The following NBEA variants were observed in gnomAD, a reference collection of about 807,000 sequenced individuals.
NBEA encodes the protein neurobeachin, also known as lysosomal-trafficking regulator 2.
Under a neutral mutation model 343.4 loss-of-function variants are expected in NBEA, and 44 were observed. That is an observed-to-expected ratio of 0.13 (90% CI 0.10 to 0.16). The LOEUF is 0.16. Among genes scored for constraint, NBEA ranks in the 10% least tolerant of loss-of-function variants. NBEA has a pLI of 1.00. For synonymous variants in NBEA, 1,175 were observed against 1,238.7 expected (o/e 0.95, Z 1.08); for missense variants, 2,555 against 3,631.3 (o/e 0.70, Z 7.62).
chr13:35,588,160 C>T (rs923660636), intron 46 of NBEA, among the ~76,000 whole-genome samples: 1 of 152,126 alleles, frequency 6.6e-6, no homozygotes, highest in African/African-American at 2.4e-5. Flanking sequence ...ACTAGCCACA[C>T]TTCAAGTGCT....
intron 6 of NBEA, among the ~76,000 whole-genome samples, chr13:35,051,728 ATAGT>A (rs1489749909): frequency 6.6e-6 from 1 of 152,034 alleles, no homozygotes; most frequent in African/African-American, 2.4e-5. Flanking sequence ...TGAGACCAAG[ATAGT>A]TTGCTAAAAG....
chr13:34,947,874 A>G (rs1054957850), intron 1 of NBEA, among the ~76,000 whole-genome samples: 3 of 152,202 alleles, frequency 2.0e-5, no homozygotes, highest in Non-Finnish European at 4.4e-5. Context: ...TCCTCAAACT[A>G]GAAATATGTG....
At chr13:34,965,516 G>T (rs937055444) in intron 1 of NBEA, among the ~76,000 whole-genome samples, 2 of 151,986 alleles carry the variant, frequency 1.3e-5, no homozygotes, top group Non-Finnish European at 2.9e-5. Context: ...CTGGTGGAGT[G>T]AGGGCATTCC....
At chr13:34,956,805 T>C (rs1289287841) in intron 1 of NBEA, among the ~76,000 whole-genome samples, 1 of 152,136 alleles carries the variant, frequency 6.6e-6, no homozygotes, top group African/African-American at 2.4e-5. Context: ...TCACCATCCT[T>C]GTCCAGAATT....
intron 34 of NBEA, among the ~76,000 whole-genome samples, chr13:35,237,659 G>T (rs1257656224): frequency 6.6e-6 from 1 of 152,142 alleles, no homozygotes; most frequent in Admixed American, 6.6e-5. Flanking sequence ...ATGTGTGTGT[G>T]TGGTAGGAAC....
In NBEA at chr13:35,665,034, T is replaced by C. The variant is rs1052965649; in HGVS notation, c.8363-51T>C. On this transcript the variant is annotated intron_variant, in intron 55 of 58. Coordinates refer to ENST00000379939, the MANE Select transcript of NBEA (RefSeq NM_001385012.1). The stretch of plus-strand genomic sequence containing the variant: ...GAATATTGCATTGCTGGTGTAGCTC[T>C]CTCCCCCTGCTATTGGTCTGTAGTG... 5.7e-6 allele frequency: 7 copies of C among 1,226,248 alleles called. No homozygotes were observed. The African/African-American group carries it at 1.0e-4, about 18-fold the overall frequency. 76.0% of individuals were successfully genotyped at this position (1,226,248 alleles called of 1,614,324 possible).
intron 1 of NBEA, among the ~76,000 whole-genome samples, chr13:34,959,599 G>T (rs2059598410): frequency 1.3e-5 from 2 of 152,080 alleles, no homozygotes; most frequent in African/African-American, 2.4e-5. Flanking sequence ...TTGAGTAGCT[G>T]TGAAGAAGCA....
chr13:35,624,304 G>C (rs997801507), intron 48 of NBEA, among the ~76,000 whole-genome samples: 2 of 152,042 alleles, frequency 1.3e-5, no homozygotes, highest in Non-Finnish European at 2.9e-5. Context: ...ATAAAATATA[G>C]TTTCAAAGTA....
At chr13:35,168,958 G>A (rs139669866) in intron 24 of NBEA, 29 bp from the exon 25 acceptor site, 75 of 1,406,330 alleles carry the variant, frequency 5.3e-5, no homozygotes, top group Non-Finnish European at 6.8e-5. Flanking sequence ...TTTTTGGTCT[G>A]TTGTCTGTTT....
intron 55 of NBEA, 89 bp from the exon 56 acceptor site, chr13:35,664,996 A>T (rs763357683): frequency 4.7e-6 from 4 of 854,710 alleles, no homozygotes; most frequent in Non-Finnish European, 7.7e-6. Context: ...CTTAATAAAC[A>T]TGGGTATTTT....
chr13:35,663,287 C>G (rs755951887), intron 55 of NBEA, among the ~76,000 whole-genome samples: 12 of 152,272 alleles, frequency 7.9e-5, no homozygotes, highest in South Asian at 6.2e-4. Flanking sequence ...CCCTTGCCAG[C>G]CTCTGGTAAC....
chr13:35,180,578 T>C (rs923777460), intron 28 of NBEA, among the ~76,000 whole-genome samples: 7 of 151,826 alleles, frequency 4.6e-5, no homozygotes, highest in African/African-American at 1.7e-4. Context: ...AGAACTCCAT[T>C]TTATCTTTGA....
chr13:35,324,473 ACT>A (rs965340824), intron 36 of NBEA, among the ~76,000 whole-genome samples: 16 of 152,294 alleles, frequency 1.1e-4, no homozygotes, highest in Non-Finnish European at 2.4e-4. Flanking sequence ...ATTAAGAAAA[ACT>A]TATTGTTACT....
chr13:35,034,325 A>T (rs150395660), intron 1 of NBEA, among the ~76,000 whole-genome samples: 1 of 151,988 alleles, frequency 6.6e-6, no homozygotes, highest in African/African-American at 2.4e-5. Context: ...TGATTTGTAT[A>T]TGTTGAACCG....
chr13:35,575,673 G>T (rs886830258), intron 45 of NBEA, among the ~76,000 whole-genome samples: 1 of 151,970 alleles, frequency 6.6e-6, no homozygotes, highest in Non-Finnish European at 1.5e-5. Flanking sequence ...CATATAATCA[G>T]ATCACCATGA....
chr13:35,202,911 T>A (rs1318457425), intron 31 of NBEA, among the ~76,000 whole-genome samples: 1 of 152,176 alleles, frequency 6.6e-6, no homozygotes, highest in African/African-American at 2.4e-5. Flanking sequence ...AATCCTTGAC[T>A]TTACTCTCAT....
rs562447455 is a variant in NBEA at position 34,974,148 on chromosome 13, C to T, written c.294+31034C>T. 7.9e-5 allele frequency among the ~76,000 whole-genome samples: 12 copies of T among 152,256 alleles called. 1 individual carries two copies. In the Middle Eastern group the frequency reaches 0.017, roughly 217 times the overall value. ...GGCTTTGTGTCACTCTCAGGTGGGC[C>T]GTCATCCTATCTGCTTTTCATTGTT... On this transcript the variant is annotated intron_variant, in intron 1 of 58. Coordinates refer to ENST00000379939, the MANE Select transcript of NBEA (RefSeq NM_001385012.1).
At chr13:35,059,249 A>G (rs2063374960) in intron 8 of NBEA, among the ~76,000 whole-genome samples, 1 of 151,988 alleles carries the variant, frequency 6.6e-6, no homozygotes, top group Admixed American at 6.6e-5. Flanking sequence ...TTAGAAGGAA[A>G]CTAAGATAAT....
At chr13:35,451,374 G>A (rs368014448) in intron 39 of NBEA, among the ~76,000 whole-genome samples, 27 of 152,226 alleles carry the variant, frequency 1.8e-4, no homozygotes, top group Admixed American at 1.4e-3. Context: ...CGCCCACCTC[G>A]GCCTCCCAAA....
Sources: allele counts gnomAD v4.1 joint callset (sites outside exome capture counted in the v4.1 genomes callset), GRCh38; gene constraint gnomAD v4.1.1; transcripts MANE v1.5; gene names NCBI Gene and HGNC (gene_info 2026-07-23, HGNC 2026-07-21).